MYH11: variants seen among roughly 807,000 people sequenced by gnomAD.
MYH11 encodes myosin heavy chain 11.
A neutral mutation model predicts 246.6 loss-of-function variants in MYH11; 80 were observed. The ratio of observed to expected loss-of-function variants is 0.32; its 90% confidence interval spans 0.27 to 0.39. MYH11 has a LOEUF of 0.39. Among genes scored for constraint, MYH11 ranks in the 10% least tolerant of loss-of-function variants. The pLI is 1.00. For missense variants in MYH11, 2,158 were observed against 2,546.8 expected, an observed-to-expected ratio of 0.85 and a Z score of 3.29; for synonymous variants, 1,071 against 1,015.5, an observed-to-expected ratio of 1.05 and a Z score of -1.04.
intron 3 of MYH11, among the ~76,000 whole-genome samples, chr16:15,809,373 A>C (rs2043088433): frequency 1.3e-5 from 2 of 151,738 alleles, no homozygotes; most frequent in African/African-American, 4.8e-5. Flanking sequence ...CTCTACAAAA[A>C]ATCAAAAAAT....
chr16:15,833,155 T>C (rs215593), intron 2 of MYH11, among the ~76,000 whole-genome samples: 117,276 of 150,422 alleles, frequency 0.78, 45,927 homozygotes, highest in African/African-American at 0.82. Context: ...AAAAATTAGC[T>C]GGGCATCGTG....
At chr16:15,782,173 A>G (rs2042370397) in intron 6 of MYH11, among the ~76,000 whole-genome samples, 2 of 152,116 alleles carry the variant, frequency 1.3e-5, no homozygotes, top group South Asian at 4.1e-4. Context: ...GAGCCACCGC[A>G]CCAGGCCAAT....
intron 3 of MYH11, among the ~76,000 whole-genome samples, 187 bp from the exon 4 acceptor site, chr16:15,798,874 G>A (rs151159726): frequency 6.6e-6 from 1 of 152,288 alleles, no homozygotes; most frequent in Non-Finnish European, 1.5e-5. Context: ...CAAAAGGGCA[G>A]CCCCAAAGTC....
At chr16:15,847,246 C>CTTTT (rs545966682) in intron 1 of MYH11, among the ~76,000 whole-genome samples, 11 of 112,256 alleles carry the variant, frequency 9.8e-5, no homozygotes, top group African/African-American at 2.2e-4. Flanking sequence ...AAGTGGACTT[C>CTTTT]TTTTTTTTTT....
chr16:15,740,724 C>G lies in MYH11; in HGVS notation c.2860-536G>C, dbSNP rs567283785. Among the ~76,000 whole-genome samples the G allele has an allele frequency of 5.3e-5, 8 of 152,214 alleles. No homozygotes were observed. The South Asian group carries it at 1.7e-3, about 32-fold the overall frequency. On this transcript the variant is annotated intron_variant, in intron 22 of 40. Transcript: ENST00000300036. The stretch of plus-strand genomic sequence containing the variant: ...CCATGGTGGTTTTAAAATCTATCCA[C>G]AAGTTCTTTGCGACTCCAAAAAGGT...
chr16:15,745,352 T>G, intron 19 of MYH11, 115 bp from the exon 20 acceptor site: 1 of 699,268 alleles, frequency 1.4e-6, no homozygotes, highest in Non-Finnish European at 2.5e-6. Flanking sequence ...TCTCCCCAAC[T>G]CAGGTTCTTC....
rs554030524 is a variant in MYH11 at position 15,855,579 on chromosome 16, T to C, written c.-18+1362A>G. Among the ~76,000 whole-genome samples the C allele has an allele frequency of 2.4e-3, 363 of 152,348 alleles. 1 individual carries two copies. Among genetic ancestry groups the C allele is most frequent in the Admixed American group, 3.5e-3 (54 of 15,302 alleles). The stretch of plus-strand genomic sequence containing the variant: ...AACAGGCATCATAAAGCCTTTCTTA[T>C]GAAGTTGTTGCAAAGATTAAATGAG... On this transcript the variant is annotated intron_variant, in intron 1 of 40. Coordinates refer to ENST00000300036, the MANE Select transcript of MYH11 (RefSeq NM_002474.3).
intron 26 of MYH11, chr16:15,733,016 T>C (rs2041011717): frequency 2.1e-6 from 1 of 469,394 alleles, no homozygotes. Context: ...TTGGCTCTTA[T>C]TTAATGAGCA....
intron 1 of MYH11, among the ~76,000 whole-genome samples, chr16:15,856,219 G>GTTT (rs34789214): frequency 1.0e-5 from 1 of 97,038 alleles, no homozygotes; most frequent in African/African-American, 3.0e-5. Context: ...TGGGTGAGTT[G>GTTT]TTTTTTTTTT....
intron 2 of MYH11, among the ~76,000 whole-genome samples, chr16:15,829,911 G>A (rs994612142): frequency 3.3e-5 from 5 of 152,142 alleles, no homozygotes; most frequent in Non-Finnish European, 5.9e-5. Context: ...AAGGTGGGTG[G>A]ATCACCTGAG....
Position 15,780,521 on chromosome 16 carries a change from G to A in MYH11, c.727-1678C>T, listed in dbSNP as rs550596403. The stretch of plus-strand genomic sequence containing the variant: ...TTTGAGACAAGAGCCTCACTCTGTC[G>A]CCCAGGTTGGAGTGCAGTGGTGTGA... On this transcript the variant is annotated intron_variant, in intron 6 of 40. Transcript: ENST00000300036. 2.2e-4 allele frequency among the ~76,000 whole-genome samples: 25 copies of A among 111,738 alleles called. No individual in the cohort carries two copies. In the South Asian group the frequency reaches 4.1e-3, roughly 18 times the overall value. The allele number at this position is 111,738 out of a possible 152,430, so 73.3% of individuals were successfully genotyped here.
At chr16:15,737,053 T>G (rs2041138076) in intron 25 of MYH11, among the ~76,000 whole-genome samples, 1 of 151,042 alleles carries the variant, frequency 6.6e-6, no homozygotes, top group Non-Finnish European at 1.5e-5. Flanking sequence ...AGAGGGCCCT[T>G]AGAGGGAGGG....
chr16:15,732,123 G>A (rs1157898180), intron 27 of MYH11, among the ~76,000 whole-genome samples: 2 of 151,116 alleles, frequency 1.3e-5, no homozygotes, highest in Non-Finnish European at 3.0e-5. Flanking sequence ...CACCGCGCCC[G>A]GCTAATTTTT....
intron 14 of MYH11, among the ~76,000 whole-genome samples, chr16:15,755,380 G>A (rs1315190399): frequency 2.6e-5 from 4 of 152,192 alleles, no homozygotes; most frequent in East Asian, 1.9e-4. Context: ...ACTCAAGACC[G>A]TGACATGGGA....
rs148944672 is a variant in MYH11, at chr16:15,781,728, G to A, written c.726+657C>T. The stretch of plus-strand genomic sequence containing the variant: ...GTACCCCCTGCCTCACTTACTCTCT[G>A]TTATTCAGTTGGAAGAACCAGCTTC... On this transcript the variant is annotated intron_variant, in intron 6 of 40. Transcript: ENST00000300036. Among the ~76,000 whole-genome samples, 13 of 152,294 alleles carry A rather than the reference G, an allele frequency of 8.5e-5. No homozygotes were observed. The East Asian group carries it at 2.5e-3, about 29-fold the overall frequency.
chr16:15,839,974 C>A (rs1310124559), intron 1 of MYH11, among the ~76,000 whole-genome samples: 2 of 152,080 alleles, frequency 1.3e-5, no homozygotes, highest in Non-Finnish European at 2.9e-5. Flanking sequence ...TCACTTGAAC[C>A]TGGGAGGCAG....
At chr16:15,748,971 T>C (rs1192615818) in intron 16 of MYH11, among the ~76,000 whole-genome samples, 2 of 151,822 alleles carry the variant, frequency 1.3e-5, no homozygotes, top group African/African-American at 2.4e-5. Context: ...AGCCCTGCTT[T>C]AACACCCCCA....
chr16:15,725,225 T>C (rs1406541305), intron 28 of MYH11: 1 of 606,228 alleles, frequency 1.6e-6, no homozygotes, highest in Non-Finnish European at 2.9e-6. Flanking sequence ...ACCCTGGCCC[T>C]AGACTCTGTG....
intron 9 of MYH11, among the ~76,000 whole-genome samples, chr16:15,765,003 CTA>C (rs1236555934): frequency 6.6e-6 from 1 of 152,206 alleles, no homozygotes; most frequent in Non-Finnish European, 1.5e-5. Flanking sequence ...AAAATAGTTT[CTA>C]TGTCTGAAAT....
Sources: allele counts gnomAD v4.1 joint callset (sites outside exome capture counted in the v4.1 genomes callset), GRCh38; gene constraint gnomAD v4.1.1; transcripts MANE v1.5; gene names NCBI Gene and HGNC (gene_info 2026-07-23, HGNC 2026-07-21).